Variants in FAM169A observed in about 807,000 individuals in gnomAD.
FAM169A encodes the protein family with sequence similarity 169 member A, also known as soluble lamin-associated protein of 75 kDa.
Under a neutral mutation model 75.7 loss-of-function variants are expected in FAM169A, and 24 were observed. The ratio of observed to expected loss-of-function variants is 0.32; its 90% CI spans 0.23 to 0.45. The LOEUF is 0.45. Ranked by LOEUF, FAM169A falls within the 20% of genes least tolerant of loss-of-function variation. The probability of loss-of-function intolerance (pLI) is 1.00; values close to 1 mark genes in which losing one functional copy is unlikely to be tolerated. For missense variants in FAM169A, 673 were observed against 784.0 expected, an observed-to-expected ratio of 0.86 and a Z score of 1.69; for synonymous variants, 271 against 271.0, an observed-to-expected ratio of 1.00 and a Z score of 0.00.
intron 6 of FAM169A, among the ~76,000 whole-genome samples, chr5:74,808,686 T>C (rs114996940): frequency 7.9e-4 from 121 of 152,312 alleles, no homozygotes; most frequent in African/African-American, 2.7e-3. Context: ...TAATATTTTA[T>C]AATGTTTACA....
intron 1 of FAM169A, among the ~76,000 whole-genome samples, chr5:74,847,262 G>C (rs62366457): frequency 0.089 from 13,583 of 152,006 alleles, 754 homozygotes; most frequent in Admixed American, 0.17. Context: ...CCCAAACATG[G>C]TCTGTACCCA....
chr5:74,799,525 G>A, intron 10 of FAM169A: 1 of 1,568,588 alleles, frequency 6.4e-7, no homozygotes, highest in South Asian at 1.1e-5. Flanking sequence ...AGAAGTGGAT[G>A]AAAAGCTGGC....
intron 5 of FAM169A, among the ~76,000 whole-genome samples, chr5:74,819,893 G>A (rs1221619398): frequency 6.6e-6 from 1 of 151,916 alleles, no homozygotes; most frequent in Non-Finnish European, 1.5e-5. Flanking sequence ...GACTGCTAAT[G>A]AACAGAGTTT....
rs1745336841 is a variant in FAM169A, at chr5:74,780,107, A to T, written c.*1353T>A. 6.6e-6 allele frequency: 1 copy of T among 152,244 alleles called. No homozygotes were observed. Among genetic ancestry groups the T allele is most frequent in the South Asian group, 2.1e-4 (1 of 4,838 alleles). 9.4% of individuals were successfully genotyped at this position (152,244 alleles called of 1,614,324 possible). On this transcript the variant is annotated 3_prime_UTR_variant, in exon 13 of 13. Transcript: ENST00000687041. ...GTCCATTTTTAAATAAATTACAAAA[A>T]ATAACAGTTCAGTGTTTTTTTTCTT...
At chr5:74,845,680 A>G (rs903917500) in intron 1 of FAM169A, among the ~76,000 whole-genome samples, 1 of 152,202 alleles carries the variant, frequency 6.6e-6, no homozygotes, top group African/African-American at 2.4e-5. Flanking sequence ...GTAAATGTCT[A>G]AATTAAAGAG....
rs1256110502 is a variant in FAM169A at position 74,799,957 on chromosome 5, T to C, written c.1103+923A>G. ...GGCTCCAACATGGCTTTGAAGATGC[T>C]GCGCCAGAATAGCATCACTCAAGTC... On this transcript the variant is annotated intron_variant, in intron 10 of 12. Transcript: ENST00000687041. The C allele has an allele frequency of 1.1e-5, 9 of 818,444 alleles. No homozygotes were observed. The East Asian group carries it at 2.0e-4, about 18-fold the overall frequency. 50.7% of individuals were successfully genotyped at this position (818,444 alleles called of 1,614,324 possible). A position where few individuals can be genotyped will look rare whatever the true frequency, so the allele number is the denominator to read the frequency against.
intron 11 of FAM169A, among the ~76,000 whole-genome samples, chr5:74,785,731 C>T (rs1745662569): frequency 6.6e-6 from 1 of 152,202 alleles, no homozygotes. Context: ...CACTGCACTC[C>T]AGCCTGCATG....
intron 1 of FAM169A, among the ~76,000 whole-genome samples, chr5:74,852,550 A>C (rs772911368): frequency 2.0e-5 from 3 of 152,218 alleles, no homozygotes; most frequent in Non-Finnish European, 4.4e-5. Context: ...CAGATGAACA[A>C]GAACATGCTG....
chr5:74,837,121 T>G (rs1048110994), intron 4 of FAM169A, among the ~76,000 whole-genome samples: 2 of 152,146 alleles, frequency 1.3e-5, no homozygotes, highest in African/African-American at 2.4e-5. Context: ...ATATTAAGAT[T>G]TTCCCTTCTC....
intron 1 of FAM169A, among the ~76,000 whole-genome samples, chr5:74,861,117 C>T (rs1346780223): frequency 6.6e-6 from 1 of 152,194 alleles, no homozygotes; most frequent in African/African-American, 2.4e-5. Flanking sequence ...TCCTGGGTGA[C>T]AGAGTGAGGC....
intron 3 of FAM169A, among the ~76,000 whole-genome samples, chr5:74,839,383 G>A (rs1347366538): frequency 6.6e-6 from 1 of 151,988 alleles, no homozygotes; most frequent in Non-Finnish European, 1.5e-5. Flanking sequence ...CATAATGTTT[G>A]ACTGTTCCTC....
intron 5 of FAM169A, among the ~76,000 whole-genome samples, chr5:74,816,351 AT>A (rs1747470184): frequency 6.6e-6 from 1 of 152,228 alleles, no homozygotes; most frequent in African/African-American, 2.4e-5. Flanking sequence ...TACTACTGAA[AT>A]GCAGAAAGTT....
rs752557499 is a variant in FAM169A at position 74,841,678 on chromosome 5, C to T, written c.-2G>A. On this transcript the variant is annotated splice_region_variant and 5_prime_UTR_variant, in exon 2 of 13. Transcript: ENST00000687041. ...CAGCATATCCACAGGGAATGCCATC[C>T]TCTTTAACAAACAACATGGAACAAA... 1.9e-6 allele frequency: 3 copies of T among 1,611,314 alleles called. No individual in the cohort carries two copies. Among genetic ancestry groups the T allele is most frequent in the Non-Finnish European group, 2.5e-6 (3 of 1,178,676 alleles).
At chr5:74,860,827 TAAA>T (rs11293001) in intron 1 of FAM169A, among the ~76,000 whole-genome samples, 4 of 71,650 alleles carry the variant, frequency 5.6e-5, no homozygotes, top group Admixed American at 3.4e-4. Flanking sequence ...AATGTAGCAC[TAAA>T]AAAAAAAAAA....
At chr5:74,838,289 CAAT>C (rs1748675675) in intron 4 of FAM169A, among the ~76,000 whole-genome samples, 1 of 152,024 alleles carries the variant, frequency 6.6e-6, no homozygotes, top group Non-Finnish European at 1.5e-5. Context: ...CCTATTTCTC[CAAT>C]ATTATTATAA....
At chr5:74,859,287 C>CTTTT (rs1020109342) in intron 1 of FAM169A, among the ~76,000 whole-genome samples, 4 of 129,062 alleles carry the variant, frequency 3.1e-5, no homozygotes, top group Non-Finnish European at 6.7e-5. Context: ...AAGGTTTTCT[C>CTTTT]TTTTTTTTTT....
At position 74,784,510 on chromosome 5, in the gene FAM169A, C is replaced by CAAAAAAAAAAAAAAA. The variant is rs200414695; in HGVS notation, c.1261-1391_1261-1377dup. 1.5e-3 allele frequency among the ~76,000 whole-genome samples: 44 copies of CAAAAAAAAAAAAAAA among 29,858 alleles called. 5 individuals carry two copies. The highest frequency in any genetic ancestry group is 5.7e-3 in the African/African-American group (28 of 4,892). 19.6% of individuals were successfully genotyped at this position (29,858 alleles called of 152,430 possible). A position where few individuals can be genotyped will look rare whatever the true frequency, so the allele number is the denominator to read the frequency against. On this transcript the variant is annotated intron_variant, in intron 11 of 12. Transcript: ENST00000687041. ...AGGGAGACAGAGCAAGACTCCGTCT[C>CAAAAAAAAAAAAAAA]AAAAAAAAAAAAAAAAAAACAAGAA... is the stretch of plus-strand genomic sequence containing the variant.
chr5:74,853,904 C>T (rs941233453), intron 1 of FAM169A, among the ~76,000 whole-genome samples: 26 of 148,970 alleles, frequency 1.7e-4, no homozygotes, highest in African/African-American at 4.9e-4. Context: ...ATGGTTACTA[C>T]ACAATAAAAA....
chr5:74,821,250 C>T (rs1410823110), intron 5 of FAM169A, among the ~76,000 whole-genome samples: 1 of 152,164 alleles, frequency 6.6e-6, no homozygotes, highest in East Asian at 1.9e-4. Context: ...CTTCCCCCGC[C>T]TCCCTTTCCC....
Sources: allele counts gnomAD v4.1 joint callset (sites outside exome capture counted in the v4.1 genomes callset), GRCh38; gene constraint gnomAD v4.1.1; transcripts MANE v1.5; gene names NCBI Gene and HGNC (gene_info 2026-07-23, HGNC 2026-07-21).